The following ZFHX3 variants were observed in gnomAD, a reference collection of about 807,000 sequenced individuals.
ZFHX3 encodes the protein zinc finger homeobox 3.
Under a neutral mutation model 279.1 loss-of-function variants are expected in ZFHX3, and 42 were observed. The ratio of observed to expected loss-of-function variants is 0.15; its 90% confidence interval spans 0.12 to 0.19. The LOEUF is 0.19. ZFHX3 is among the 10% of genes least tolerant of loss of function. The pLI is 1.00. For synonymous variants in ZFHX3, 2,293 were observed against 1,957.8 expected (o/e 1.17, Z -4.52); for missense variants, 4,981 against 4,754.0 (o/e 1.05, Z -1.40).
At chr16:73,808,607 G>T (rs754982507) in intron 1 of ZFHX3, 1 of 152,226 alleles carries the variant, frequency 6.6e-6, no homozygotes, top group Non-Finnish European at 1.5e-5. Flanking sequence ...TAAGCTGAAT[G>T]AATCTGAAGG....
chr16:73,553,787 A>G (rs1016110610), intron 2 of ZFHX3, among the ~76,000 whole-genome samples: 4 of 151,690 alleles, frequency 2.6e-5, no homozygotes, highest in African/African-American at 9.7e-5. Context: ...GTGGGGAAGA[A>G]GGGTCTTTTC....
chr16:73,139,846 G>C (rs1356467215), intron 6 of ZFHX3, among the ~76,000 whole-genome samples: 3 of 152,236 alleles, frequency 2.0e-5, no homozygotes, highest in Middle Eastern at 3.2e-3. Context: ...ATGAAGAAAA[G>C]TTTCAGGACC....
chr16:73,626,619 T>C (rs1256914913), intron 2 of ZFHX3, among the ~76,000 whole-genome samples: 3 of 152,220 alleles, frequency 2.0e-5, no homozygotes, highest in Non-Finnish European at 4.4e-5. Flanking sequence ...AGGAGTGGTC[T>C]ATTGACCTTT....
intron 1 of ZFHX3, among the ~76,000 whole-genome samples, chr16:73,034,852 T>C (rs948190353): frequency 6.6e-6 from 1 of 152,180 alleles, no homozygotes; most frequent in Non-Finnish European, 1.5e-5. Flanking sequence ...CACAGTTCTA[T>C]CTCCTAACAA....
intron 3 of ZFHX3, among the ~76,000 whole-genome samples, chr16:73,330,506 G>A (rs1273923706): frequency 3.9e-5 from 6 of 152,144 alleles, no homozygotes; most frequent in Non-Finnish European, 8.8e-5. Context: ...ATGCAATAGG[G>A]GCAAACGTCA....
chr16:73,842,740 G>A (rs973753545), intron 1 of ZFHX3, among the ~76,000 whole-genome samples: 4 of 152,086 alleles, frequency 2.6e-5, no homozygotes, highest in Admixed American at 6.5e-5. Flanking sequence ...ACACACGGAG[G>A]TTCCAGGGTA....
chr16:73,538,692 A>G (rs2019953074), intron 2 of ZFHX3, among the ~76,000 whole-genome samples: 2 of 152,164 alleles, frequency 1.3e-5, no homozygotes, highest in Admixed American at 1.3e-4. Context: ...ATTGGTTAAT[A>G]CAGCGGAGAC....
intron 1 of ZFHX3, among the ~76,000 whole-genome samples, chr16:73,869,581 G>C (rs866887116): frequency 6.6e-6 from 1 of 152,214 alleles, no homozygotes; most frequent in Non-Finnish European, 1.5e-5. Flanking sequence ...TTGTGTATTT[G>C]CATGACTGTA....
At chr16:73,204,745 C>A (rs2011736000) in intron 5 of ZFHX3, among the ~76,000 whole-genome samples, 1 of 152,190 alleles carries the variant, frequency 6.6e-6, no homozygotes, top group South Asian at 2.1e-4. Context: ...CAGCAAAGAG[C>A]ATAAATAGCC....
intron 4 of ZFHX3, among the ~76,000 whole-genome samples, chr16:72,876,146 C>T (rs189079066): frequency 3.3e-5 from 5 of 152,164 alleles, no homozygotes; most frequent in African/African-American, 1.2e-4. Context: ...ATGCATGCAA[C>T]TTCAGAGGTT....
At chr16:72,937,019 C>G (rs1960160130) in intron 3 of ZFHX3, among the ~76,000 whole-genome samples, 1 of 152,114 alleles carries the variant, frequency 6.6e-6, no homozygotes, top group Non-Finnish European at 1.5e-5. Flanking sequence ...TAGTTCCCAG[C>G]TTTTTGGGTT....
rs751411258 is a variant in ZFHX3 at position 72,957,528 on chromosome 16, G to A, written c.2618C>T (p.Pro873Leu). 1 of 1,614,180 alleles carries A rather than the reference G, an allele frequency of 6.2e-7. No individual in the cohort carries two copies. The highest frequency in any genetic ancestry group is 8.5e-7 in the Non-Finnish European group (1 of 1,180,046). ...QYYLAQNMNL[P>L]NLKMDSAASD... is the part of the protein sequence containing the mutation. Reference sequence around the variant, plus strand: ...GGCAGCACTGTCCATCTTCAGGTTGGGCAGGTTCATGTTCTGGGCCAGGTA... The same window carrying A: ...GGCAGCACTGTCCATCTTCAGGTTGAGCAGGTTCATGTTCTGGGCCAGGTA... The change falls in exon 2 of 10, where the codon CCC (proline) becomes CTC (leucine). Residue 873 changes from proline (P) to leucine (L), a missense_variant. By Grantham distance (98) the Pro-to-Leu change is moderately conservative. Around this residue, in one of 7 missense-constraint regions of ZFHX3, gnomAD observed 1,751 missense variants for 1,770.0 expected, o/e 0.99. Coordinates refer to ENST00000268489, the MANE Select transcript of ZFHX3 (RefSeq NM_006885.4).
At chr16:73,326,261 T>C (rs1448129121) in intron 3 of ZFHX3, among the ~76,000 whole-genome samples, 1 of 152,188 alleles carries the variant, frequency 6.6e-6, no homozygotes, top group African/African-American at 2.4e-5. Context: ...TTTGGAAATC[T>C]GGAAGGCAGC....
At chr16:73,116,895 T>G (rs1482850666) in intron 7 of ZFHX3, among the ~76,000 whole-genome samples, 9 of 152,218 alleles carry the variant, frequency 5.9e-5, no homozygotes, top group Admixed American at 3.9e-4. Flanking sequence ...TGCCTCATCC[T>G]AGGCTGTCTC....
intron 1 of ZFHX3, chr16:73,015,040 CT>C (rs67778248): frequency 0.59 from 55,967 of 94,794 alleles, 15,387 homozygotes; most frequent in East Asian, 0.76. Flanking sequence ...AGAGCTGTGT[CT>C]TTTTTTTTTT....
chr16:73,299,555 T>G (rs1188684358), intron 4 of ZFHX3, among the ~76,000 whole-genome samples: 1 of 152,122 alleles, frequency 6.6e-6, no homozygotes, highest in Non-Finnish European at 1.5e-5. Flanking sequence ...TAAATCTTGA[T>G]GAGGGGCAGG....
At chr16:73,473,371 A>AAAAAAAAAAAAAAC (rs2018709703) in intron 2 of ZFHX3, among the ~76,000 whole-genome samples, 4 of 150,608 alleles carry the variant, frequency 2.7e-5, no homozygotes, top group African/African-American at 7.5e-5. Flanking sequence ...AAAAAAAAAA[A>AAAAAAAAAAAAAAC]ACAAAATAAT....
chr16:73,723,526 A>G (rs534765933), intron 1 of ZFHX3, among the ~76,000 whole-genome samples: 1 of 152,358 alleles, frequency 6.6e-6, no homozygotes, highest in South Asian at 2.1e-4. Flanking sequence ...GAAATGGCAC[A>G]GGCAGGAGGA....
intron 3 of ZFHX3, among the ~76,000 whole-genome samples, chr16:72,918,083 G>C (rs944300224): frequency 1.8e-4 from 28 of 152,132 alleles, no homozygotes; most frequent in African/African-American, 6.3e-4. Context: ...TAAAAGACTA[G>C]AACATTAATG....
Sources: allele counts gnomAD v4.1 joint callset (sites outside exome capture counted in the v4.1 genomes callset), GRCh38; gene constraint gnomAD v4.1.1; regional missense constraint gnomAD v4.1.1; transcripts MANE v1.5; gene names NCBI Gene and HGNC (gene_info 2026-07-23, HGNC 2026-07-21).